Variants in USP15 observed in about 807,000 individuals in gnomAD.
USP15 encodes ubiquitin carboxyl-terminal hydrolase 15.
A neutral mutation model predicts 127.1 loss-of-function variants in USP15; 18 were observed. That is an observed-to-expected ratio of 0.14 (90% CI 0.10 to 0.21). The LOEUF (loss-of-function observed/expected upper bound fraction) is 0.21. Among genes scored for constraint, USP15 ranks in the 10% least tolerant of loss-of-function variants. The pLI is 1.00. For missense variants in USP15, 805 were observed against 1,159.9 expected (o/e 0.69, Z 4.44); for synonymous variants, 364 against 393.7 (o/e 0.92, Z 0.89).
At chr12:62,278,113 T>C (rs908880755) in intron 1 of USP15, among the ~76,000 whole-genome samples, 3 of 152,160 alleles carry the variant, frequency 2.0e-5, no homozygotes, top group African/African-American at 7.2e-5. Context: ...TTTTTTGCCG[T>C]AAACTAAGAG....
At chr12:62,279,956 A>G (rs1480689621) in intron 1 of USP15, among the ~76,000 whole-genome samples, 1 of 152,158 alleles carries the variant, frequency 6.6e-6, no homozygotes, top group Non-Finnish European at 1.5e-5. Flanking sequence ...TCTCTATGCC[A>G]ATATCACATT....
intron 6 of USP15, chr12:62,328,509 CTTAA>C (rs1237381695): frequency 9.8e-6 from 2 of 204,146 alleles, no homozygotes; most frequent in East Asian, 2.3e-4. Flanking sequence ...CAAAAATTAA[CTTAA>C]TTAAAAACGC....
At chr12:62,306,875 C>T (rs1258113728) in intron 3 of USP15, among the ~76,000 whole-genome samples, 1 of 152,114 alleles carries the variant, frequency 6.6e-6, no homozygotes, top group Non-Finnish European at 1.5e-5. Context: ...CCTCACAGTA[C>T]TATTCAGACA....
chr12:62,395,250 A>G (rs945422186), intron 19 of USP15, among the ~76,000 whole-genome samples: 2 of 152,328 alleles, frequency 1.3e-5, no homozygotes, highest in South Asian at 2.1e-4. Flanking sequence ...ATAAAGATCT[A>G]CTGGACCCAG....
At position 62,326,058 on chromosome 12, in the gene USP15, G is replaced by A. The variant is rs1417445608; in HGVS notation, c.683+125G>A. 8 of 774,722 alleles carry A rather than the reference G, an allele frequency of 1.0e-5. No individual in the cohort carries two copies. The African/African-American group carries it at 1.2e-4, about 12-fold the overall frequency. 48.0% of individuals were successfully genotyped at this position (774,722 alleles called of 1,614,324 possible). A position where few individuals can be genotyped will look rare whatever the true frequency, so the allele number is the denominator to read the frequency against. On this transcript the variant is annotated intron_variant, in intron 6 of 21. Transcript: ENST00000280377. ...AGAAATTCATGCCTTGTTTATATTTGAGTATTTTGTTCTTAGTATACAAGC... is the reference window on the plus strand; with the variant it reads ...AGAAATTCATGCCTTGTTTATATTTAAGTATTTTGTTCTTAGTATACAAGC...
intron 1 of USP15, among the ~76,000 whole-genome samples, chr12:62,292,348 T>C (rs1231272794): frequency 9.2e-5 from 14 of 152,196 alleles, no homozygotes; most frequent in African/African-American, 3.4e-4. Context: ...TTCTGTGCTA[T>C]CTGGAAATGG....
Position 62,294,105 on chromosome 12 carries a change from C to CA in USP15, c.90-68dup, listed in dbSNP as rs1266140761. The CA allele has an allele frequency of 6.7e-6, 10 of 1,487,360 alleles. No individual in the cohort carries two copies. The African/African-American group carries it at 1.1e-4, about 17-fold the overall frequency. 92.1% of individuals were successfully genotyped at this position (1,487,360 alleles called of 1,614,324 possible). On this transcript the variant is annotated intron_variant, in intron 1 of 21. Transcript: ENST00000280377. ...TGTCTTTTAATATAAAAGGAAATAT[C>CA]AAAAAATAGATGGCTGTTCTACTGT...
At chr12:62,315,502 AAAAT>A (rs1395888687) in intron 4 of USP15, among the ~76,000 whole-genome samples, 1 of 152,094 alleles carries the variant, frequency 6.6e-6, no homozygotes, top group Non-Finnish European at 1.5e-5. Flanking sequence ...AATGTTTTTT[AAAAT>A]AAATGATTAT....
chr12:62,305,417 A>G (rs1169406130), intron 3 of USP15, among the ~76,000 whole-genome samples: 3 of 152,194 alleles, frequency 2.0e-5, no homozygotes, highest in Non-Finnish European at 4.4e-5. Flanking sequence ...AATAACTGCC[A>G]ATGTAGGATT....
intron 11 of USP15, among the ~76,000 whole-genome samples, chr12:62,387,863 T>G (rs1033765590): frequency 4.6e-5 from 7 of 152,146 alleles, no homozygotes; most frequent in African/African-American, 1.4e-4. Context: ...ATTGCTTGGT[T>G]TAGGTCCCAG....
intron 2 of USP15, among the ~76,000 whole-genome samples, chr12:62,295,814 G>A (rs2064113055): frequency 6.6e-6 from 1 of 152,198 alleles, no homozygotes; most frequent in African/African-American, 2.4e-5. Context: ...GATAACACCA[G>A]GCTGTGGTAA....
In USP15 at chr12:62,401,225, T is replaced by C; in HGVS notation, c.2713T>C (p.Tyr905His). 6.2e-7 allele frequency: 1 copy of C among 1,611,944 alleles called. No homozygotes were observed. Among genetic ancestry groups the C allele is most frequent in the Non-Finnish European group, 8.5e-7 (1 of 1,178,824 alleles). Residue 905 changes from tyrosine to histidine, a missense_variant, in exon 21 of 22, where the codon TAC becomes CAC. Physicochemically the swap from Tyr to His is moderately conservative, Grantham distance 83. Coordinates refer to ENST00000280377, the MANE Select transcript of USP15 (RefSeq NM_001252078.2). ...FAKNKDDGKW[Y>H]YFDDSSVSTA... ...AAAAAATAAAGATGATGGAAAATGG[T>C]ACTATTTTGATGACAGTAGTGTCTC...
intron 5 of USP15, among the ~76,000 whole-genome samples, chr12:62,322,154 G>C (rs1256261021): frequency 1.3e-5 from 2 of 152,170 alleles, no homozygotes; most frequent in Non-Finnish European, 2.9e-5. Flanking sequence ...TTGAGACGGA[G>C]TCTCACTCTG....
At chr12:62,309,829 A>T (rs973540084) in intron 3 of USP15, among the ~76,000 whole-genome samples, 1 of 151,916 alleles carries the variant, frequency 6.6e-6, no homozygotes, top group African/African-American at 2.4e-5. Context: ...CTCAACATCC[A>T]TGTATGATCT....
At chr12:62,350,665 C>G (rs1007428006) in intron 7 of USP15, among the ~76,000 whole-genome samples, 1 of 152,126 alleles carries the variant, frequency 6.6e-6, no homozygotes, top group Non-Finnish European at 1.5e-5. Context: ...CACCCTGTCA[C>G]CCAGGTTGAA....
intron 8 of USP15, among the ~76,000 whole-genome samples, chr12:62,360,304 G>A (rs2066274419): frequency 6.6e-6 from 1 of 151,732 alleles, no homozygotes; most frequent in African/African-American, 2.4e-5. Flanking sequence ...AAATAAATTG[G>A]GATTTCAAGC....
rs1490128323 is a variant in USP15, at chr12:62,389,522, G to A, written c.1557+8G>A. The A allele has an allele frequency of 6.2e-7, 1 of 1,613,362 alleles. No individual in the cohort carries two copies. Among genetic ancestry groups the A allele is most frequent in the East Asian group, 2.2e-5 (1 of 44,808 alleles). ...GGAATACCTGCAGATAAGGTAAGAT[G>A]TTTCTGGGGTTGAAGTATATAAGTT... On this transcript the variant is annotated splice_region_variant and intron_variant, in intron 12 of 21. Transcript: ENST00000280377.
intron 1 of USP15, among the ~76,000 whole-genome samples, chr12:62,283,366 C>G (rs901890434): frequency 6.6e-6 from 1 of 152,002 alleles, no homozygotes; most frequent in Non-Finnish European, 1.5e-5. Context: ...CTACAGCAAG[C>G]TAATAAGCAG....
At chr12:62,365,366 G>A (rs2066443621) in intron 8 of USP15, among the ~76,000 whole-genome samples, 1 of 152,102 alleles carries the variant, frequency 6.6e-6, no homozygotes, top group Non-Finnish European at 1.5e-5. Context: ...AGTAGTGTCT[G>A]TTCATATCCT....
Sources: allele counts gnomAD v4.1 joint callset (sites outside exome capture counted in the v4.1 genomes callset), GRCh38; gene constraint gnomAD v4.1.1; transcripts MANE v1.5; gene names NCBI Gene and HGNC (gene_info 2026-07-23, HGNC 2026-07-21).